The following CDHR1 variants were observed in gnomAD, a reference collection of about 807,000 sequenced individuals.
The protein encoded by CDHR1 is cadherin related family member 1, also known as cadherin-related family member 1.
A neutral mutation model predicts 72.1 loss-of-function variants in CDHR1; 61 were observed. The observed-to-expected ratio is 0.85, with a 90% CI of 0.69 to 1.05. The LOEUF is 1.05. Among genes scored for constraint, CDHR1 ranks in the 50% least tolerant of loss-of-function variants. CDHR1 has a pLI of 0.00. For synonymous variants in CDHR1, 470 were observed against 448.1 expected, an observed-to-expected ratio of 1.05 and a Z score of -0.62; for missense variants, 1,186 against 1,115.7, an observed-to-expected ratio of 1.06 and a Z score of -0.90.
chr10:84,199,008 C>T, intron 4 of CDHR1, 24 bp from the exon 5 acceptor site: 1 of 1,545,180 alleles, frequency 6.5e-7, no homozygotes, highest in South Asian at 1.2e-5. Flanking sequence ...TGCACTGGCT[C>T]TTGACCCCTC....
Position 84,214,210 on chromosome 10 carries a change from C to G in CDHR1, c.2169C>G (p.Thr723=), listed in dbSNP as rs766245444. ...VAITVLISTA[T]FWRNKKSNKV... is the part of the protein sequence containing the mutation. ...TCACTGTCCTCATCTCCACCGCCACCTTCTGGCGCAACAAGAAGTCTAACA... is the reference window on the plus strand; with the variant it reads ...TCACTGTCCTCATCTCCACCGCCACGTTCTGGCGCAACAAGAAGTCTAACA... Residue 723 remains threonine, a synonymous_variant, in exon 17 of 17, where the codon ACC becomes ACG. Transcript: ENST00000623527. 3.1e-6 allele frequency: 5 copies of G among 1,614,202 alleles called. No individual in the cohort carries two copies. In the South Asian group the frequency reaches 5.5e-5, roughly 18 times the overall value.
intron 9 of CDHR1, 62 bp downstream of exon 9, chr10:84,204,667 C>T: frequency 2.7e-6 from 3 of 1,102,846 alleles, no homozygotes; most frequent in Non-Finnish European, 4.2e-6. Flanking sequence ...AGCAAGGTTC[C>T]TCAACCTCTC....
chr10:84,204,142 A>G (rs767540933), intron 8 of CDHR1, among the ~76,000 whole-genome samples: 2 of 152,130 alleles, frequency 1.3e-5, no homozygotes, highest in Non-Finnish European at 2.9e-5. Flanking sequence ...CTCTTCCTTC[A>G]TGCACCTCTG....
Position 84,205,902 on chromosome 10 carries a change from G to C in CDHR1, c.938G>C (p.Arg313Thr). 1 of 1,614,060 alleles carries C rather than the reference G, an allele frequency of 6.2e-7. No individual in the cohort carries two copies. The highest frequency in any genetic ancestry group is 8.5e-7 in the Non-Finnish European group (1 of 1,179,938). The change falls in exon 10 of 17, where the codon AGA becomes ACA. Residue 313 changes from arginine (R) to threonine (T), a missense_variant. Physicochemically the swap from Arg to Thr is moderately conservative, Grantham distance 71. Transcript: ENST00000623527. Reference sequence around the variant, plus strand: ...ACTCAGAGCCCGGCCCAGCTCCAGAGAGAGGTGTATGAGCTGCATGTACAG... The same window carrying C: ...ACTCAGAGCCCGGCCCAGCTCCAGACAGAGGTGTATGAGCTGCATGTACAG... ...SITQSPAQLQREVYELHVQVT... is the reference protein window; with the variant it reads ...SITQSPAQLQTEVYELHVQVT...
Position 84,203,105 on chromosome 10 carries a change from G to A in CDHR1, c.765G>A (p.Val255=), listed in dbSNP as rs1180837285. The change falls in exon 8 of 17, where the codon GTG becomes GTA. Residue 255 remains valine (V), a synonymous_variant. Coordinates refer to ENST00000623527, the MANE Select transcript of CDHR1 (RefSeq NM_033100.4). The part of the protein sequence containing the change: ...VFVGTPYYGY[V]YEDTLPGSEV... The stretch of plus-strand genomic sequence containing the variant: ...TGGGCACACCCTACTATGGCTATGT[G>A]TACGAGGACACCCTTCCGGTGGGTG... 5.0e-6 allele frequency: 8 copies of A among 1,614,216 alleles called. No homozygotes were observed. The highest frequency in any genetic ancestry group is 1.7e-5 in the Admixed American group (1 of 60,032).
chr10:84,210,259 T>C (rs1293328536), intron 12 of CDHR1, among the ~76,000 whole-genome samples: 1 of 152,072 alleles, frequency 6.6e-6, no homozygotes, highest in Non-Finnish European at 1.5e-5. Context: ...TTTTGTTTTT[T>C]GGTTTTGTTC....
intron 4 of CDHR1, 130 bp from the exon 5 acceptor site, chr10:84,198,902 A>AAG (rs59594596): frequency 0.25 from 176,121 of 691,504 alleles, 9,231 homozygotes; most frequent in African/African-American, 0.43. Flanking sequence ...TAAAAGAAGG[A>AAG]AGAGAGAGAG....
At chr10:84,218,758 G>C, downstream of CDHR1, 1 of 1,009,974 alleles carries the variant, frequency 9.9e-7, no homozygotes, top group Non-Finnish European at 1.2e-6. Context: ...TATTAGCCCA[G>C]ATATCATGTT....
intron 8 of CDHR1, among the ~76,000 whole-genome samples, chr10:84,203,776 C>T (rs967334547): frequency 1.3e-5 from 2 of 152,190 alleles, no homozygotes. Flanking sequence ...TGGAGACGGG[C>T]TCAGAGTGAG....
rs547534493 is a variant in CDHR1, at chr10:84,208,218, C to A, written c.1008C>A (p.Thr336=). 1.2e-5 allele frequency: 20 copies of A among 1,614,108 alleles called. No homozygotes were observed. Among genetic ancestry groups the A allele is most frequent in the Non-Finnish European group, 1.6e-5 (19 of 1,180,032 alleles). Residue 336 remains threonine (T), a synonymous_variant, in exon 11 of 17, where the codon ACC becomes ACA. Coordinates refer to ENST00000623527, the MANE Select transcript of CDHR1 (RefSeq NM_033100.4). ...SPAGSPAAQA[T]VPVTIRIVDL... Reference sequence around the variant, plus strand: ...CGGGGAGCCCAGCTGCCCAGGCCACCGTCCCAGTCACCATCAGGATTGTGG... The same window carrying A: ...CGGGGAGCCCAGCTGCCCAGGCCACAGTCCCAGTCACCATCAGGATTGTGG...
chr10:84,194,710 C>T lies in CDHR1; in HGVS notation c.-51C>T. ...CGCGGGCCCAGGGCATGCTCCGTGC[C>T]CCTGCGCCCGGTCTCGGCGGCGGCA... is the stretch of plus-strand genomic sequence containing the variant. On this transcript the variant is annotated 5_prime_UTR_variant, in exon 1 of 17. Coordinates refer to ENST00000623527, the MANE Select transcript of CDHR1 (RefSeq NM_033100.4). The T allele has an allele frequency of 7.0e-7, 1 of 1,435,170 alleles. No individual in the cohort carries two copies. The highest frequency in any genetic ancestry group is 9.1e-7 in the Non-Finnish European group (1 of 1,098,780). 88.9% of individuals were successfully genotyped at this position (1,435,170 alleles called of 1,614,324 possible).
At chr10:84,203,245 G>C (rs1842163773) in intron 8 of CDHR1, 122 bp downstream of exon 8, 1 of 1,284,430 alleles carries the variant, frequency 7.8e-7, no homozygotes. Context: ...CTCACACAGA[G>C]GCCAGCTCTG....
Position 84,215,129 on chromosome 10 carries a change from G to T in CDHR1, c.*508G>T, listed in dbSNP as rs1842406661. ...GGCTGGAGGTCAGCGAACCTCGTGG[G>T]CTGTAGGAAAGCAAATGTAGGTAAG... On this transcript the variant is annotated 3_prime_UTR_variant, in exon 17 of 17. Transcript: ENST00000623527. 1 of 1,020,864 alleles carries T rather than the reference G, an allele frequency of 9.8e-7. No homozygotes were observed. The highest frequency in any genetic ancestry group is 1.2e-6 in the Non-Finnish European group (1 of 851,046). 63.2% of individuals were successfully genotyped at this position (1,020,864 alleles called of 1,614,324 possible).
chr10:84,202,767 T>A (rs960243097), intron 7 of CDHR1, among the ~76,000 whole-genome samples: 6 of 152,238 alleles, frequency 3.9e-5, no homozygotes, highest in African/African-American at 1.2e-4. Flanking sequence ...AAGAGAGAAC[T>A]AACCCCACTT....
intron 16 of CDHR1, 24 bp from the exon 17 acceptor site, chr10:84,214,058 G>T (rs1450357031): frequency 1.2e-6 from 2 of 1,614,100 alleles, no homozygotes; most frequent in Admixed American, 3.3e-5. Flanking sequence ...ACAGCTGAGT[G>T]CAGGGAGTGG....
chr10:84,218,332 A>G lies in CDHR1; in HGVS notation c.*3711A>G. ...GAGTAGCAACAGGCTGATGTTGGGGACATCGGTTTGATGTTATAAAATCGT... is the reference window on the plus strand; with the variant it reads ...GAGTAGCAACAGGCTGATGTTGGGGGCATCGGTTTGATGTTATAAAATCGT... On this transcript the variant is annotated 3_prime_UTR_variant, in exon 17 of 17. Coordinates refer to ENST00000623527, the MANE Select transcript of CDHR1 (RefSeq NM_033100.4). 1.0e-6 allele frequency: 1 copy of G among 985,446 alleles called. No individual in the cohort carries two copies. Among genetic ancestry groups the G allele is most frequent in the Non-Finnish European group, 1.2e-6 (1 of 829,936 alleles). 61.0% of individuals were successfully genotyped at this position (985,446 alleles called of 1,614,324 possible). A position where few individuals can be genotyped will look rare whatever the true frequency, so the allele number is the denominator to read the frequency against.
In CDHR1 at chr10:84,204,470, G is replaced by C. The variant is rs1340607414; in HGVS notation, c.784-57G>C. On this transcript the variant is annotated intron_variant, in intron 8 of 16. Coordinates refer to ENST00000623527, the MANE Select transcript of CDHR1 (RefSeq NM_033100.4). ...CTTTTCATCATGGAGACATTGTTTG[G>C]GGAGGGGAGGGTCCCCATATTGCCC... The C allele has an allele frequency of 3.4e-6, 4 of 1,188,010 alleles. No homozygotes were observed. The Admixed American group carries it at 6.7e-5, about 20-fold the overall frequency. The allele number at this position is 1,188,010 out of a possible 1,614,324, so 73.6% of individuals were successfully genotyped here.
intron 12 of CDHR1, among the ~76,000 whole-genome samples, chr10:84,210,427 G>A (rs553478038): frequency 4.2e-4 from 64 of 151,898 alleles, no homozygotes; most frequent in Non-Finnish European, 7.5e-4. Flanking sequence ...CATCACACCC[G>A]GCTAATTTTT....
chr10:84,215,953 AGGG>A lies in CDHR1; in HGVS notation c.*1333_*1335del. 2 of 985,404 alleles carry A rather than the reference AGGG, an allele frequency of 2.0e-6. No individual in the cohort carries two copies. The highest frequency in any genetic ancestry group is 4.7e-5 in the South Asian group (1 of 21,290). 61.0% of individuals were successfully genotyped at this position (985,404 alleles called of 1,614,324 possible). A position where few individuals can be genotyped will look rare whatever the true frequency, so the allele number is the denominator to read the frequency against. ...AGATGAAGAAAATGAGTTCTCAAGG[AGGG>A]AATGCTTTGCTTGAGGCCACACAGC... is the stretch of plus-strand genomic sequence containing the variant. On this transcript the variant is annotated 3_prime_UTR_variant, in exon 17 of 17. Coordinates refer to ENST00000623527, the MANE Select transcript of CDHR1 (RefSeq NM_033100.4).
Sources: allele counts gnomAD v4.1 joint callset (sites outside exome capture counted in the v4.1 genomes callset), GRCh38; gene constraint gnomAD v4.1.1; transcripts MANE v1.5; gene names NCBI Gene and HGNC (gene_info 2026-07-23, HGNC 2026-07-21).